CNTNAP5: variants seen among roughly 807,000 people sequenced by gnomAD.
CNTNAP5 encodes contactin associated protein family member 5, also known as contactin-associated protein-like 5.
Under a neutral mutation model 150.2 loss-of-function variants are expected in CNTNAP5, and 72 were observed. The ratio of observed to expected loss-of-function variants is 0.48; its 90% CI spans 0.40 to 0.58. CNTNAP5 has a LOEUF of 0.58. CNTNAP5 is among the 20% of genes least tolerant of loss of function. The pLI is 0.00. For missense variants in CNTNAP5, 1,636 were observed against 1,626.2 expected (o/e 1.01, Z -0.10); for synonymous variants, 672 against 619.8 (o/e 1.08, Z -1.25).
chr2:124,846,694 G>T (rs367603128), intron 19 of CNTNAP5, among the ~76,000 whole-genome samples: 1 of 152,054 alleles, frequency 6.6e-6, no homozygotes, highest in East Asian at 1.9e-4. Flanking sequence ...TTCTCATTTG[G>T]GTAGACTATG....
chr2:124,181,483 T>G (rs992989581), intron 1 of CNTNAP5, among the ~76,000 whole-genome samples: 1 of 152,184 alleles, frequency 6.6e-6, no homozygotes, highest in African/African-American at 2.4e-5. Context: ...TAAAATTATT[T>G]CTTTCTTTCT....
At chr2:124,564,909 G>A (rs867470043) in intron 11 of CNTNAP5, among the ~76,000 whole-genome samples, 21 of 152,158 alleles carry the variant, frequency 1.4e-4, no homozygotes, top group Admixed American at 7.2e-4. Context: ...GCCAACGCCT[G>A]GAGCTCTTCT....
At chr2:124,849,417 T>A (rs1293759648) in intron 19 of CNTNAP5, among the ~76,000 whole-genome samples, 1 of 152,156 alleles carries the variant, frequency 6.6e-6, no homozygotes, top group Non-Finnish European at 1.5e-5. Flanking sequence ...ATGGATAACA[T>A]AAGCTTTTGA....
intron 13 of CNTNAP5, among the ~76,000 whole-genome samples, chr2:124,651,918 C>A (rs1333657905): frequency 2.6e-5 from 4 of 152,164 alleles, no homozygotes; most frequent in Admixed American, 2.6e-4. Context: ...ATCCCCAGAG[C>A]CTCCTTCTGC....
chr2:124,535,538 C>T (rs568988712), intron 10 of CNTNAP5, among the ~76,000 whole-genome samples: 132 of 148,528 alleles, frequency 8.9e-4, no homozygotes, highest in Admixed American at 2.5e-3. Context: ...CCAAGAAGGG[C>T]GGATCACAAG....
chr2:124,806,733 A>T (rs953570996), intron 19 of CNTNAP5, among the ~76,000 whole-genome samples: 1 of 152,202 alleles, frequency 6.6e-6, no homozygotes, highest in Non-Finnish European at 1.5e-5. Context: ...TTGGTTCTTC[A>T]TCTGTAAATG....
intron 3 of CNTNAP5, among the ~76,000 whole-genome samples, chr2:124,365,882 A>G (rs559690798): frequency 4.6e-5 from 7 of 152,308 alleles, no homozygotes; most frequent in African/African-American, 1.2e-4. Flanking sequence ...TCTTGCATCA[A>G]ATAGTCAATT....
intron 2 of CNTNAP5, among the ~76,000 whole-genome samples, chr2:124,239,633 G>A (rs6541947): frequency 0.28 from 42,249 of 151,622 alleles, 6,118 homozygotes; most frequent in South Asian, 0.48. Flanking sequence ...AGACAAAATC[G>A]CCATATACAT....
chr2:124,240,755 G>T (rs1210358444), intron 2 of CNTNAP5, among the ~76,000 whole-genome samples: 1 of 152,114 alleles, frequency 6.6e-6, no homozygotes, highest in African/African-American at 2.4e-5. Context: ...TGCAAGATGT[G>T]CCTTTAAGTC....
intron 19 of CNTNAP5, among the ~76,000 whole-genome samples, chr2:124,849,161 T>C (rs906677642): frequency 6.6e-6 from 1 of 152,190 alleles, no homozygotes; most frequent in Non-Finnish European, 1.5e-5. Context: ...TAAATTTTTG[T>C]ATGTGGATCC....
intron 19 of CNTNAP5, among the ~76,000 whole-genome samples, chr2:124,840,693 C>T (rs890397389): frequency 3.7e-4 from 56 of 152,026 alleles, no homozygotes; most frequent in African/African-American, 1.3e-3. Flanking sequence ...GACAACTTAA[C>T]GTTGTGAAAA....
chr2:124,689,399 G>A (rs1200237173), intron 13 of CNTNAP5, among the ~76,000 whole-genome samples: 1 of 152,144 alleles, frequency 6.6e-6, no homozygotes, highest in African/African-American at 2.4e-5. Context: ...AATTGACCAA[G>A]CTAAGATGAG....
Position 124,451,051 on chromosome 2 carries a change from A to AAAAAAAT in CNTNAP5, c.918+4115_918+4116insAAAAATA, listed in dbSNP as rs1360743225. Among the ~76,000 whole-genome samples, 4 of 65,308 alleles carry AAAAAAAT rather than the reference A, an allele frequency of 6.1e-5. No individual in the cohort carries two copies. In the East Asian group the frequency reaches 1.2e-3, roughly 20 times the overall value. 42.8% of individuals were successfully genotyped at this position (65,308 alleles called of 152,430 possible). A position where few individuals can be genotyped will look rare whatever the true frequency, so the allele number is the denominator to read the frequency against. On this transcript the variant is annotated intron_variant, in intron 6 of 23. Transcript: ENST00000682447. ...TCTTAAAAAAAAAAAAAAAAAAAAAAATATATATATATATATATATATATA... is the reference window on the plus strand; with the variant it reads ...TCTTAAAAAAAAAAAAAAAAAAAAAAAAAAAATATATATATATATATATATATATATA...
At chr2:124,812,066 T>C (rs1469315865) in intron 19 of CNTNAP5, among the ~76,000 whole-genome samples, 1 of 80,064 alleles carries the variant, frequency 1.2e-5, no homozygotes, top group African/African-American at 5.4e-5. Flanking sequence ...TTATATAATA[T>C]ATAATTTATA....
At chr2:124,640,791 G>A (rs78133287) in intron 12 of CNTNAP5, among the ~76,000 whole-genome samples, 1 of 152,074 alleles carries the variant, frequency 6.6e-6, no homozygotes, top group East Asian at 1.9e-4. Flanking sequence ...GTTCATAGCA[G>A]ATCAGCTTTG....
intron 1 of CNTNAP5, among the ~76,000 whole-genome samples, chr2:124,073,050 A>G (rs1263688053): frequency 4.6e-5 from 7 of 152,068 alleles, no homozygotes; most frequent in African/African-American, 1.7e-4. Flanking sequence ...CCAGAAATGA[A>G]TTCATACATC....
rs1158470896 is a variant in CNTNAP5 at position 124,456,990 on chromosome 2, T to C, written c.918+10053T>C. The stretch of plus-strand genomic sequence containing the variant: ...GAAGATGGCATTAGGGAAACCCTTC[T>C]AGACATTGGCTTGGGCAAAGATTTC... On this transcript the variant is annotated intron_variant, in intron 6 of 23. Coordinates refer to ENST00000682447, the MANE Select transcript of CNTNAP5 (RefSeq NM_001367498.1). Among the ~76,000 whole-genome samples, 6 of 152,294 alleles carry C rather than the reference T, an allele frequency of 3.9e-5. No individual in the cohort carries two copies. The East Asian group carries it at 7.7e-4, about 20-fold the overall frequency.
chr2:124,271,085 G>A (rs1220632131), intron 3 of CNTNAP5, among the ~76,000 whole-genome samples: 1 of 151,998 alleles, frequency 6.6e-6, no homozygotes, highest in Non-Finnish European at 1.5e-5. Context: ...CTCCTACTGT[G>A]CTATACCTAT....
At chr2:124,115,502 G>A (rs1040231771) in intron 1 of CNTNAP5, among the ~76,000 whole-genome samples, 3 of 152,176 alleles carry the variant, frequency 2.0e-5, no homozygotes, top group Non-Finnish European at 2.9e-5. Context: ...CGAGTGGGCT[G>A]CTGGCAGAGC....
Sources: allele counts gnomAD v4.1 joint callset (sites outside exome capture counted in the v4.1 genomes callset), GRCh38; gene constraint gnomAD v4.1.1; transcripts MANE v1.5; gene names NCBI Gene and HGNC (gene_info 2026-07-23, HGNC 2026-07-21).